The following TDRKH variants were observed in gnomAD, a reference collection of about 807,000 sequenced individuals.
The protein encoded by TDRKH is tudor and KH domain containing, also known as tudor and KH domain-containing protein.
In TDRKH, 28 loss-of-function variants were observed where a neutral mutation model predicts 61.3. That is an observed-to-expected ratio of 0.46 (90% CI 0.34 to 0.63). TDRKH has a LOEUF of 0.63. Ranked by LOEUF, TDRKH falls within the 20% of genes least tolerant of loss-of-function variation. The pLI, the probability that TDRKH is intolerant of heterozygous loss-of-function variation, is 0.01. For missense variants in TDRKH, 540 were observed against 683.4 expected, an observed-to-expected ratio of 0.79 and a Z score of 2.34; for synonymous variants, 219 against 244.4, an observed-to-expected ratio of 0.90 and a Z score of 0.97.
downstream of TDRKH, chr1:151,767,114 C>T: frequency 6.2e-7 from 1 of 1,605,296 alleles, no homozygotes; most frequent in Non-Finnish European, 8.5e-7. Flanking sequence ...TGTGTATCTT[C>T]CCACCTCAGA....
chr1:151,780,622 G>A (rs780137041), intron 3 of TDRKH, among the ~76,000 whole-genome samples: 6 of 152,040 alleles, frequency 3.9e-5, no homozygotes, highest in Admixed American at 2.6e-4. Context: ...AAGCCAAGGC[G>A]GCTGGATCAC....
rs532358471 is a variant in TDRKH at position 151,781,193 on chromosome 1, T to C, written c.231+288A>G. On this transcript the variant is annotated intron_variant, in intron 3 of 12. Coordinates refer to ENST00000368824, the MANE Select transcript of TDRKH (RefSeq NM_001083965.2). Reference sequence around the variant, plus strand: ...TTCGCTGGGCGTGGTGGCGGGTGCCTGTAATCCCAGCTACTCGGGAGGCTG... The same window carrying C: ...TTCGCTGGGCGTGGTGGCGGGTGCCCGTAATCCCAGCTACTCGGGAGGCTG... 2.0e-3 allele frequency among the ~76,000 whole-genome samples: 306 copies of C among 151,156 alleles called. 3 individuals are homozygous for C. Among genetic ancestry groups the C allele is most frequent in the African/African-American group, 7.2e-3 (296 of 41,250 alleles).
downstream of TDRKH, chr1:151,771,407 T>G: frequency 7.7e-7 from 1 of 1,303,678 alleles, no homozygotes; most frequent in Non-Finnish European, 9.9e-7. Context: ...CAGAGCTAAA[T>G]TCACTGAAAA....
At chr1:151,781,323 A>AT (rs1307883753) in intron 3 of TDRKH, among the ~76,000 whole-genome samples, 158 bp downstream of exon 3, 120 of 53,934 alleles carry the variant, frequency 2.2e-3, no homozygotes, top group East Asian at 6.7e-3. Flanking sequence ...ATCTCAAAAA[A>AT]AAAAAATATA....
chr1:151,772,761 A>G (rs552530258), downstream of TDRKH, among the ~76,000 whole-genome samples: 1 of 152,350 alleles, frequency 6.6e-6, no homozygotes, highest in East Asian at 1.9e-4. Context: ...CCAAGACTAC[A>G]TGAGCTACTT....
At chr1:151,776,395 C>G (rs762978457) in intron 7 of TDRKH, 44 bp downstream of exon 7, 11 of 1,605,594 alleles carry the variant, frequency 6.9e-6, no homozygotes, top group Admixed American at 3.4e-5. Context: ...AAAAGATATG[C>G]CTTCTTTTCA....
chr1:151,769,751 C>T (rs1255567257), downstream of TDRKH, among the ~76,000 whole-genome samples: 3 of 152,074 alleles, frequency 2.0e-5, no homozygotes, highest in African/African-American at 4.8e-5. Context: ...TGTAGCGAGC[C>T]GAGATCACGC....
At chr1:151,782,753 G>T in intron 2 of TDRKH, 146 bp downstream of exon 2, 1 of 1,054,652 alleles carries the variant, frequency 9.5e-7, no homozygotes. Flanking sequence ...CTAGGTGACA[G>T]AGTGAGACCC....
chr1:151,766,944 A>G (rs907907308), downstream of TDRKH: 3 of 1,447,910 alleles, frequency 2.1e-6, no homozygotes, highest in Admixed American at 4.0e-5. Flanking sequence ...GGAAAAAGTA[A>G]AAGAATTTGA....
Position 151,775,496 on chromosome 1 carries a change from G to C in TDRKH, c.1330C>G (p.His444Asp). 1 of 1,614,032 alleles carries C rather than the reference G, an allele frequency of 6.2e-7. No homozygotes were observed. The change falls in exon 10 of 13, where the codon CAT becomes GAT. Residue 444 changes from histidine (H) to aspartate (D), a missense_variant. Transcript: ENST00000368824. ...ACCAGAGGCTTCCAGTCAGCACAAT[G>C]AGTGAGTCTATCAAACTCATCCAAA... ...EALDEFDRLTHCADWKPLVAK... is the reference protein window; with the variant it reads ...EALDEFDRLTDCADWKPLVAK...
intron 2 of TDRKH, among the ~76,000 whole-genome samples, chr1:151,782,320 G>A (rs1227438186): frequency 2.0e-5 from 3 of 151,996 alleles, no homozygotes; most frequent in African/African-American, 7.2e-5. Flanking sequence ...GGTGGCACAC[G>A]CCTGTAATCC....
downstream of TDRKH, among the ~76,000 whole-genome samples, chr1:151,769,145 G>A (rs934825871): frequency 2.7e-4 from 41 of 151,376 alleles, no homozygotes; most frequent in African/African-American, 9.0e-4. Context: ...AACCGCCATC[G>A]TCATCATGGC....
At chr1:151,777,308 T>C (rs144011527) in intron 6 of TDRKH, among the ~76,000 whole-genome samples, 44 of 152,150 alleles carry the variant, frequency 2.9e-4, no homozygotes, top group Middle Eastern at 6.8e-3. Flanking sequence ...CAGTCGGATG[T>C]GGTGGTGTGC....
chr1:151,775,563 G>A lies in TDRKH; in HGVS notation c.1283-20C>T. 6.2e-7 allele frequency: 1 copy of A among 1,609,306 alleles called. No homozygotes were observed. The highest frequency in any genetic ancestry group is 8.5e-7 in the Non-Finnish European group (1 of 1,177,992). ...GGTCACCTGGCAAAAGATTGTAGGG[G>A]TTACTGCTGATAGGGGTGGGGCTTA... On this transcript the variant is annotated intron_variant, in intron 9 of 12. Coordinates refer to ENST00000368824, the MANE Select transcript of TDRKH (RefSeq NM_001083965.2).
downstream of TDRKH, chr1:151,766,804 T>C: frequency 1.2e-6 from 2 of 1,602,726 alleles, no homozygotes; most frequent in Non-Finnish European, 1.7e-6. Flanking sequence ...CTCTACCCGA[T>C]CTGGTCACCA....
chr1:151,776,345 G>C, intron 7 of TDRKH, 77 bp from the exon 8 acceptor site: 1 of 1,593,680 alleles, frequency 6.3e-7, no homozygotes, highest in Non-Finnish European at 8.6e-7. Flanking sequence ...GAGGAAGAAA[G>C]AAAAGTAGTT....
At chr1:151,775,044 T>C (rs1328728070) in intron 11 of TDRKH, 21 bp downstream of exon 11, 1 of 1,612,186 alleles carries the variant, frequency 6.2e-7, no homozygotes, top group Admixed American at 1.7e-5. Context: ...AGCAGCACCC[T>C]ATATAACTAC....
chr1:151,776,204 C>G lies in TDRKH; in HGVS notation c.1109G>C (p.Trp370Ser). The G allele has an allele frequency of 6.2e-7, 1 of 1,614,142 alleles. No homozygotes were observed. Among genetic ancestry groups the G allele is most frequent in the Non-Finnish European group, 8.5e-7 (1 of 1,180,028 alleles). Residue 370 changes from tryptophan to serine, a missense_variant, in exon 8 of 13, where the codon TGG becomes TCG. Trp to Ser is a radical substitution (Grantham distance 177). Around this residue, in one of 3 missense-constraint regions of TDRKH, gnomAD observed 379 missense variants for 443.8 expected, o/e 0.85. Transcript: ENST00000368824. Reference sequence around the variant, plus strand: ...GGTGCCGAGGACCCGGGCTCGATACCAGGAACCATTTGTAGGTAAAGGTGC... The same window carrying G: ...GGTGCCGAGGACCCGGGCTCGATACGAGGAACCATTTGTAGGTAAAGGTGC... ...VAAPLPTNGS[W>S]YRARVLGTLE...
At chr1:151,772,043 A>G (rs1648733740), downstream of TDRKH, 5 of 398,332 alleles carry the variant, frequency 1.3e-5, no homozygotes. Flanking sequence ...TACCTGAACT[A>G]CTCACCAGAA....
Sources: allele counts gnomAD v4.1 joint callset (sites outside exome capture counted in the v4.1 genomes callset), GRCh38; gene constraint gnomAD v4.1.1; regional missense constraint gnomAD v4.1.1; transcripts MANE v1.5; gene names NCBI Gene and HGNC (gene_info 2026-07-23, HGNC 2026-07-21).